The following CWH43 variants were observed in gnomAD, a reference collection of about 807,000 sequenced individuals.
The protein encoded by CWH43 is cell wall biogenesis 43 C-terminal homolog, also known as PGAP2-interacting protein.
A neutral mutation model predicts 85.7 loss-of-function variants in CWH43; 91 were observed. That is an observed-to-expected ratio of 1.06 (90% CI 0.90 to 1.26). CWH43 has a LOEUF of 1.26. Among genes scored for constraint, CWH43 ranks in the 50% most tolerant of loss-of-function variants. The probability of loss-of-function intolerance (pLI) is 0.00; values close to 1 mark genes in which losing one functional copy is unlikely to be tolerated. For synonymous variants in CWH43, 323 were observed against 293.6 expected (o/e 1.10, Z -1.02); for missense variants, 869 against 839.2 (o/e 1.04, Z -0.44).
intron 15 of CWH43, among the ~76,000 whole-genome samples, chr4:49,057,168 C>T (rs1311903716): frequency 2.0e-5 from 3 of 152,198 alleles, no homozygotes; most frequent in South Asian, 2.1e-4. Flanking sequence ...TAAGGATGCA[C>T]ACCTGTGACA....
intron 8 of CWH43, 197 bp from the exon 9 acceptor site, chr4:49,017,052 G>A (rs1783571605): frequency 1.3e-6 from 1 of 740,800 alleles, no homozygotes; most frequent in African/African-American, 1.7e-5. Context: ...CTCAGCGTCG[G>A]CTGGCACCTT....
At chr4:49,004,013 T>C in intron 7 of CWH43, 21 bp downstream of exon 7, 1 of 1,586,096 alleles carries the variant, frequency 6.3e-7, no homozygotes, top group Non-Finnish European at 8.5e-7. Flanking sequence ...TTGAAAGGTC[T>C]GGATTAAAAT....
intron 14 of CWH43, among the ~76,000 whole-genome samples, chr4:49,045,948 G>T (rs1363162163): frequency 1.3e-5 from 2 of 152,078 alleles, no homozygotes; most frequent in South Asian, 2.1e-4. Flanking sequence ...TAGAATATAA[G>T]AACTTATTCC....
At chr4:49,030,546 A>G (rs939254067) in intron 10 of CWH43, among the ~76,000 whole-genome samples, 1 of 152,158 alleles carries the variant, frequency 6.6e-6, no homozygotes, top group Non-Finnish European at 1.5e-5. Context: ...CATTAAGATT[A>G]TTTGAAATTT....
At chr4:49,031,036 A>G (rs1364820449) in intron 11 of CWH43, 76 bp downstream of exon 11, 1 of 1,345,226 alleles carries the variant, frequency 7.4e-7, no homozygotes, top group Admixed American at 2.6e-5. Flanking sequence ...TGGCAAGTTG[A>G]TATTGTAATA....
chr4:49,017,353 A>G lies in CWH43; in HGVS notation c.1266+25A>G, dbSNP rs372044564. 3.4e-6 allele frequency: 5 copies of G among 1,461,718 alleles called. No homozygotes were observed. The African/African-American group carries it at 7.0e-5, about 21-fold the overall frequency. The allele number at this position is 1,461,718 out of a possible 1,614,324, so 90.5% of individuals were successfully genotyped here. ...GGTAAGTAATTAAAAACCTTGAAAT[A>G]GAATTTTATATGGTATATATATGTG... On this transcript the variant is annotated intron_variant, in intron 9 of 15. Transcript: ENST00000226432.
chr4:49,016,749 G>A (rs1393998983), intron 8 of CWH43: 1 of 777,762 alleles, frequency 1.3e-6, no homozygotes, highest in Non-Finnish European at 2.4e-6. Flanking sequence ...AGTGATGCCA[G>A]CTTCCCTTGC....
At chr4:49,032,907 G>C (rs967625577) in intron 12 of CWH43, among the ~76,000 whole-genome samples, 192 bp downstream of exon 12, 1 of 152,168 alleles carries the variant, frequency 6.6e-6, no homozygotes, top group African/African-American at 2.4e-5. Flanking sequence ...GCTGGTGTAG[G>C]GACAGGCCGT....
chr4:48,991,984 T>A lies in CWH43; in HGVS notation c.405T>A (p.Val135=), dbSNP rs763759671. 6.2e-7 allele frequency: 1 copy of A among 1,613,978 alleles called. No individual in the cohort carries two copies. The highest frequency in any genetic ancestry group is 8.5e-7 in the Non-Finnish European group (1 of 1,179,890). Residue 135 remains valine (V), a synonymous_variant, in exon 4 of 16, where the codon GTT becomes GTA. Transcript: ENST00000226432. The part of the protein sequence containing the change: ...GFILGQIVLV[V]LRIWYTSLNP... ...TTTTAGGACAGATTGTTCTTGTTGT[T>A]CTACGCATATGGTATACTTCACTAA...
chr4:48,993,383 A>T (rs1352411496), intron 4 of CWH43, among the ~76,000 whole-genome samples: 6 of 151,942 alleles, frequency 3.9e-5, no homozygotes, highest in African/African-American at 1.5e-4. Flanking sequence ...GCCTTCTCCC[A>T]TTCCATCCCA....
At chr4:49,032,130 T>G (rs769172994) in intron 11 of CWH43, among the ~76,000 whole-genome samples, 2 of 152,218 alleles carry the variant, frequency 1.3e-5, no homozygotes, top group Non-Finnish European at 2.9e-5. Flanking sequence ...TAGAGTGAGG[T>G]GGAATGCCTT....
intron 5 of CWH43, among the ~76,000 whole-genome samples, chr4:48,995,779 C>T (rs1782791397): frequency 6.6e-6 from 1 of 152,112 alleles, no homozygotes; most frequent in African/African-American, 2.4e-5. Context: ...TTAGATTAAC[C>T]CCTTCTTCTC....
chr4:48,998,892 ATTATT>A (rs1294490343), intron 6 of CWH43, among the ~76,000 whole-genome samples: 1 of 152,206 alleles, frequency 6.6e-6, no homozygotes, highest in African/African-American at 2.4e-5. Flanking sequence ...ATTAAAGTAT[ATTATT>A]TTATTTGTAT....
chr4:49,005,227 G>T (rs1441436240), intron 7 of CWH43, among the ~76,000 whole-genome samples: 1 of 152,118 alleles, frequency 6.6e-6, no homozygotes, highest in Admixed American at 6.5e-5. Flanking sequence ...GTATAAATTT[G>T]TGGGGTACAA....
intron 6 of CWH43, among the ~76,000 whole-genome samples, chr4:49,001,590 T>G (rs1164221360): frequency 6.6e-6 from 1 of 152,128 alleles, no homozygotes; most frequent in East Asian, 1.9e-4. Context: ...TTGCCTTCAC[T>G]AAGGGGAACA....
Position 48,991,992 on chromosome 4 carries a change from T to C in CWH43, c.413T>C (p.Ile138Thr), listed in dbSNP as rs755589319. The change falls in exon 4 of 16, where the codon ATA (isoleucine) becomes ACA (threonine). Residue 138 changes from isoleucine to threonine, a missense_variant. Around this residue, in one of 3 missense-constraint regions of CWH43, gnomAD observed 152 missense variants for 203.6 expected, o/e 0.75. Transcript: ENST00000226432. The stretch of plus-strand genomic sequence containing the variant: ...CAGATTGTTCTTGTTGTTCTACGCA[T>C]ATGGTATACTTCACTAAACCCAATC... ...LGQIVLVVLR[I>T]WYTSLNPIWS... is the part of the protein sequence containing the mutation. The C allele has an allele frequency of 1.9e-6, 3 of 1,613,778 alleles. No individual in the cohort carries two copies. Among genetic ancestry groups the C allele is most frequent in the African/African-American group, 2.7e-5 (2 of 74,928 alleles).
intron 7 of CWH43, 198 bp from the exon 8 acceptor site, chr4:49,007,003 C>T (rs576914230): frequency 1.5e-5 from 7 of 463,576 alleles, no homozygotes; most frequent in South Asian, 1.4e-4. Context: ...ATTTAAAGCA[C>T]GATTCCTAGA....
intron 5 of CWH43, among the ~76,000 whole-genome samples, chr4:48,996,298 TACACACAC>T (rs36210509): frequency 0.017 from 2,488 of 149,760 alleles, 25 homozygotes; most frequent in South Asian, 0.046. Flanking sequence ...TATATATGTG[TACACACAC>T]ACACACACAC....
At chr4:49,006,251 G>A (rs924868503) in intron 7 of CWH43, among the ~76,000 whole-genome samples, 2 of 151,422 alleles carry the variant, frequency 1.3e-5, no homozygotes, top group East Asian at 1.9e-4. Context: ...TTTTATGAAC[G>A]ATGAGTTTTT....
Sources: gnomAD v4.1 joint callset for allele counts (sites outside exome capture counted in the v4.1 genomes callset) on GRCh38, gnomAD v4.1.1 for gene constraint, gnomAD v4.1.1 regional missense constraint, MANE v1.5 for transcripts, NCBI Gene and HGNC (gene_info 2026-07-23, HGNC 2026-07-21) for gene names.